The following SPACDR variants were observed in gnomAD, a reference collection of about 807,000 sequenced individuals.
SPACDR encodes the protein sperm acrosome developmental regulator.
At chr7:100,457,893 A>G in the SPACDR span, among the ~76,000 whole-genome samples, 1 of 137,376 alleles carries the variant, frequency 7.3e-6, no homozygotes, top group South Asian at 2.3e-4. Flanking sequence ...GGTTTTGCCC[A>G]GGCTGGTCTT....
chr7:100,459,974 C>A, the SPACDR span, among the ~76,000 whole-genome samples: 1 of 151,740 alleles, frequency 6.6e-6, no homozygotes, highest in Non-Finnish European at 1.5e-5. Flanking sequence ...ACTGCAAGCT[C>A]CGCCTCCCAG....
the SPACDR span, chr7:100,463,386 C>T: frequency 2.1e-5 from 33 of 1,599,714 alleles, no homozygotes; most frequent in African/African-American, 6.7e-5. Context: ...ATCTGCCAGC[C>T]GCTCTGCAGG....
At chr7:100,464,232 C>T in the SPACDR span, 1 of 1,442,682 alleles carries the variant, frequency 6.9e-7, no homozygotes, top group Non-Finnish European at 9.1e-7. Flanking sequence ...TTCTCCCCTC[C>T]CTGGGACAGG....
the SPACDR span, chr7:100,463,419 C>A: frequency 4.3e-6 from 7 of 1,613,046 alleles, no homozygotes; most frequent in African/African-American, 5.4e-5. Context: ...AGCGTGGAGA[C>A]AGACTTGACG....
At chr7:100,456,907 A>C in the SPACDR span, 2 of 1,613,752 alleles carry the variant, frequency 1.2e-6, no homozygotes, top group Non-Finnish European at 1.7e-6. Flanking sequence ...TACACCTCCC[A>C]CAGCAACTCA....
chr7:100,456,846 TGCCTGCGGTACA>T, the SPACDR span: 17 of 1,613,404 alleles, frequency 1.1e-5, 1 homozygote, highest in Middle Eastern at 3.3e-4. Flanking sequence ...GTGCCTCTCC[TGCCTGCGGTACA>T]GCCGGCGCAG....
At chr7:100,458,153 A>G in the SPACDR span, among the ~76,000 whole-genome samples, 1 of 149,146 alleles carries the variant, frequency 6.7e-6, no homozygotes, top group Non-Finnish European at 1.5e-5. Context: ...GATCCAATCT[A>G]CTGATCTTAT....
At chr7:100,458,940 A>G in the SPACDR span, among the ~76,000 whole-genome samples, 1 of 152,090 alleles carries the variant, frequency 6.6e-6, no homozygotes, top group Non-Finnish European at 1.5e-5. Context: ...AACAAAACAA[A>G]AAATTTCCCT....
chr7:100,463,136 G>A, the SPACDR span, among the ~76,000 whole-genome samples: 1 of 150,906 alleles, frequency 6.6e-6, no homozygotes, highest in Non-Finnish European at 1.5e-5. Flanking sequence ...GGAAGAAAAA[G>A]AAAAAGAAAA....
the SPACDR span, among the ~76,000 whole-genome samples, chr7:100,460,396 C>A: frequency 6.6e-6 from 1 of 151,842 alleles, no homozygotes; most frequent in African/African-American, 2.4e-5. Flanking sequence ...TCGAGACTAG[C>A]ATGGTCCAAT....
chr7:100,459,442 C>T, the SPACDR span, among the ~76,000 whole-genome samples: 1 of 151,816 alleles, frequency 6.6e-6, no homozygotes, highest in Non-Finnish European at 1.5e-5. Context: ...AGCCCACCAC[C>T]ATGCCCAGAT....
At chr7:100,462,846 A>C in the SPACDR span, among the ~76,000 whole-genome samples, 1 of 145,626 alleles carries the variant, frequency 6.9e-6, no homozygotes, top group East Asian at 2.2e-4. Flanking sequence ...ATGGTGGCTC[A>C]TGCCTGTAAT....
At chr7:100,461,772 G>A in the SPACDR span, among the ~76,000 whole-genome samples, 10 of 151,818 alleles carry the variant, frequency 6.6e-5, no homozygotes, top group Non-Finnish European at 1.3e-4. Flanking sequence ...GACAGATCAC[G>A]AGGTCAGGAG....
At chr7:100,461,112 C>A in the SPACDR span, among the ~76,000 whole-genome samples, 1 of 151,740 alleles carries the variant, frequency 6.6e-6, no homozygotes, top group Non-Finnish European at 1.5e-5. Flanking sequence ...GAGACAGACT[C>A]TCACTGTATT....
chr7:100,457,618 C>CTTTTTT, the SPACDR span, among the ~76,000 whole-genome samples: 1 of 93,518 alleles, frequency 1.1e-5, no homozygotes, highest in African/African-American at 4.3e-5. Flanking sequence ...CATGCCTGGC[C>CTTTTTT]TTTTTTTTTT....
At chr7:100,456,713 A>G in the SPACDR span, 3 of 1,359,478 alleles carry the variant, frequency 2.2e-6, no homozygotes, top group Admixed American at 2.5e-5. Context: ...ACCCCAGGTA[A>G]GAGTGAGGTC....
chr7:100,457,853 A>ATTTT, the SPACDR span, among the ~76,000 whole-genome samples: 6 of 47,394 alleles, frequency 1.3e-4, no homozygotes, highest in African/African-American at 4.9e-4. Context: ...ATATATATAT[A>ATTTT]TATATTTTTT....
At chr7:100,457,864 T>A in the SPACDR span, among the ~76,000 whole-genome samples, 874 of 140,156 alleles carry the variant, frequency 6.2e-3, 12 homozygotes, top group Non-Finnish European at 9.1e-3. Context: ...TATATTTTTT[T>A]TTTTTTTTGT....
At chr7:100,464,236 G>A in the SPACDR span, 23 of 1,437,036 alleles carry the variant, frequency 1.6e-5, no homozygotes, top group Middle Eastern at 5.2e-4. Context: ...CCCCTCCCTG[G>A]GACAGGGAGA....
Sources: allele counts gnomAD v4.1 joint callset (sites outside exome capture counted in the v4.1 genomes callset), GRCh38; gene constraint gnomAD v4.1.1; transcripts MANE v1.5; gene names NCBI Gene and HGNC (gene_info 2026-07-23, HGNC 2026-07-21).